Variants in DAB1 observed in about 807,000 individuals in gnomAD.
The protein encoded by DAB1 is DAB adaptor protein 1, also known as disabled homolog 1.
Under a neutral mutation model 64.6 loss-of-function variants are expected in DAB1, and 15 were observed. The observed-to-expected ratio is 0.23, with a 90% CI of 0.16 to 0.36. The LOEUF (loss-of-function observed/expected upper bound fraction) is 0.36, where lower values mean the gene tolerates loss of function less well. DAB1 is among the 10% of genes least tolerant of loss of function. The probability of loss-of-function intolerance (pLI) is 1.00; values close to 1 mark genes in which losing one functional copy is unlikely to be tolerated. For missense variants in DAB1, 596 were observed against 706.7 expected, an observed-to-expected ratio of 0.84 and a Z score of 1.78; for synonymous variants, 235 against 251.9, an observed-to-expected ratio of 0.93 and a Z score of 0.64.
chr1:58,249,789 G>T (rs1299481727), intron 4 of DAB1, among the ~76,000 whole-genome samples: 1 of 152,148 alleles, frequency 6.6e-6, no homozygotes, highest in Non-Finnish European at 1.5e-5. Flanking sequence ...GCTTGTCTCG[G>T]GGGATTCCGC....
At chr1:57,884,872 A>G (rs890644613), upstream of DAB1, among the ~76,000 whole-genome samples, 4 of 152,106 alleles carry the variant, frequency 2.6e-5, no homozygotes, top group Admixed American at 1.3e-4. Context: ...TAAAAGGACC[A>G]TGGCACCTCC....
intron 5 of DAB1, among the ~76,000 whole-genome samples, chr1:58,103,431 A>C (rs893829380): frequency 1.1e-4 from 17 of 152,152 alleles, no homozygotes; most frequent in African/African-American, 4.1e-4. Flanking sequence ...AAGGCTACCC[A>C]TACCCATATT....
At position 57,072,251 on chromosome 1, in the gene DAB1, G is replaced by A. The variant is rs773326906; in HGVS notation, c.438+32C>T. 3 of 1,610,684 alleles carry A rather than the reference G, an allele frequency of 1.9e-6. No homozygotes were observed. The South Asian group carries it at 3.3e-5, about 18-fold the overall frequency. On this transcript the variant is annotated intron_variant, in intron 5 of 14. Transcript: ENST00000371236. ...TGGACTGTCCCCCCAGAGTTCCAAG[G>A]AAAGACTCCCTTCTTGGATAGGGAT... is the stretch of plus-strand genomic sequence containing the variant.
intron 3 of DAB1, among the ~76,000 whole-genome samples, chr1:58,473,403 G>A (rs930443876): frequency 1.2e-4 from 19 of 152,014 alleles, no homozygotes; most frequent in African/African-American, 3.6e-4. Context: ...TTAGCCGGGC[G>A]CGGTGGCGGG....
intron 7 of DAB1, among the ~76,000 whole-genome samples, chr1:57,609,221 A>G (rs190710725): frequency 1.3e-5 from 2 of 152,342 alleles, no homozygotes; most frequent in East Asian, 3.9e-4. Context: ...CTGTGGATAC[A>G]ACCAACTGCG....
intron 4 of DAB1, among the ~76,000 whole-genome samples, chr1:57,114,354 A>G (rs1261253206): frequency 1.3e-5 from 2 of 152,178 alleles, no homozygotes; most frequent in Non-Finnish European, 2.9e-5. Context: ...AGTTACTATA[A>G]TTTAATAGAT....
intron 6 of DAB1, among the ~76,000 whole-genome samples, chr1:57,700,522 C>T (rs897955672): frequency 6.6e-6 from 1 of 152,208 alleles, no homozygotes; most frequent in African/African-American, 2.4e-5. Flanking sequence ...CCACTCACTC[C>T]TGGCCTATAT....
intron 3 of DAB1, among the ~76,000 whole-genome samples, chr1:58,445,043 C>T (rs1338127172): frequency 3.3e-5 from 5 of 152,174 alleles, no homozygotes; most frequent in Non-Finnish European, 5.9e-5. Context: ...TCTAGCTTGA[C>T]CAACCATCCC....
At chr1:57,876,749 A>C (rs150138369) in intron 1 of DAB1, 5 of 152,268 alleles carry the variant, frequency 3.3e-5, no homozygotes, top group African/African-American at 1.2e-4. Context: ...CAGGCTGGAC[A>C]TACAGTGGGC....
chr1:57,066,633 G>C (rs1297188031), intron 8 of DAB1, among the ~76,000 whole-genome samples: 2 of 152,172 alleles, frequency 1.3e-5, no homozygotes, highest in Non-Finnish European at 2.9e-5. Context: ...TGGTGAGCAA[G>C]TTATGTTCTA....
At chr1:57,233,252 A>ATTTT (rs1667824189) in intron 2 of DAB1, among the ~76,000 whole-genome samples, 20 of 56,874 alleles carry the variant, frequency 3.5e-4, no homozygotes, top group East Asian at 7.6e-4. Context: ...CTTTGCTCCG[A>ATTTT]TTCTTTTTTT....
intron 4 of DAB1, among the ~76,000 whole-genome samples, chr1:58,182,507 A>G (rs556361086): frequency 6.6e-6 from 1 of 151,876 alleles, no homozygotes; most frequent in South Asian, 2.1e-4. Context: ...TTCCAATTGG[A>G]TAAGTCCTAT....
chr1:58,342,563 T>C (rs1173385428), intron 4 of DAB1, among the ~76,000 whole-genome samples: 1 of 152,200 alleles, frequency 6.6e-6, no homozygotes, highest in Non-Finnish European at 1.5e-5. Context: ...TATACTTAAC[T>C]GATCACTGGA....
At chr1:57,788,343 A>T (rs986565561) in intron 6 of DAB1, among the ~76,000 whole-genome samples, 12 of 152,206 alleles carry the variant, frequency 7.9e-5, no homozygotes, top group African/African-American at 2.9e-4. Flanking sequence ...ACCCAGCAAT[A>T]AACAGGATTG....
intron 2 of DAB1, among the ~76,000 whole-genome samples, chr1:58,522,715 A>C (rs962899336): frequency 1.3e-5 from 2 of 152,244 alleles, no homozygotes; most frequent in Non-Finnish European, 2.9e-5. Context: ...AACACAGTAA[A>C]TTAACATGTT....
At chr1:57,428,856 A>AC (rs1685388283), upstream of DAB1, among the ~76,000 whole-genome samples, 1 of 120,928 alleles carries the variant, frequency 8.3e-6, no homozygotes, top group Non-Finnish European at 1.8e-5. Flanking sequence ...AAAAAAAAAA[A>AC]AAAACAGCAA....
chr1:57,664,941 A>G (rs542550459), intron 6 of DAB1, among the ~76,000 whole-genome samples: 70 of 152,164 alleles, frequency 4.6e-4, no homozygotes, highest in African/African-American at 1.6e-3. Flanking sequence ...AATACTAAGA[A>G]TGGGACAATT....
At chr1:57,222,313 C>T (rs1666941976) in intron 2 of DAB1, among the ~76,000 whole-genome samples, 1 of 152,126 alleles carries the variant, frequency 6.6e-6, no homozygotes, top group Admixed American at 6.5e-5. Flanking sequence ...ATGACAGAAA[C>T]TTCTGGTCCT....
intron 4 of DAB1, among the ~76,000 whole-genome samples, chr1:57,087,493 A>C (rs1653207335): frequency 6.6e-6 from 1 of 152,178 alleles, no homozygotes; most frequent in Admixed American, 6.5e-5. Context: ...CAGCTCCAGA[A>C]AATTCTGAAG....
Sources: allele counts gnomAD v4.1 joint callset (sites outside exome capture counted in the v4.1 genomes callset), GRCh38; gene constraint gnomAD v4.1.1; transcripts MANE v1.5; gene names NCBI Gene and HGNC (gene_info 2026-07-23, HGNC 2026-07-21).